Variants in ROCK1 observed in about 807,000 individuals in gnomAD.
ROCK1 encodes the protein Rho associated coiled-coil containing protein kinase 1.
ROCK1 carries 36 observed loss-of-function variants against 196.8 expected under a neutral mutation model. The ratio of observed to expected loss-of-function variants is 0.18; its 90% CI spans 0.14 to 0.24. The LOEUF (loss-of-function observed/expected upper bound fraction) is 0.24, where lower values mean the gene tolerates loss of function less well. ROCK1 is among the 10% of genes least tolerant of loss of function. ROCK1 has a pLI of 1.00. For missense variants in ROCK1, 920 were observed against 1,562.0 expected (o/e 0.59, Z 6.93); for synonymous variants, 443 against 515.9 (o/e 0.86, Z 1.91).
chr18:21,007,859 C>T (rs1473182691), intron 14 of ROCK1, among the ~76,000 whole-genome samples, 200 bp downstream of exon 14: 1 of 152,030 alleles, frequency 6.6e-6, no homozygotes. Flanking sequence ...ATGCTACTTA[C>T]TATTTACTTT....
chr18:21,075,293 A>C (rs1189287803), intron 1 of ROCK1, among the ~76,000 whole-genome samples: 1 of 152,204 alleles, frequency 6.6e-6, no homozygotes, highest in East Asian at 1.9e-4. Context: ...GGGGCATTAG[A>C]GGCAAAAGAA....
intron 1 of ROCK1, among the ~76,000 whole-genome samples, chr18:21,084,729 C>G (rs1019968820): frequency 1.3e-5 from 2 of 152,208 alleles, no homozygotes; most frequent in Non-Finnish European, 2.9e-5. Flanking sequence ...AAAATTACCA[C>G]CTGATCAGTA....
chr18:21,016,963 C>T (rs2035868066), intron 12 of ROCK1, among the ~76,000 whole-genome samples: 1 of 151,872 alleles, frequency 6.6e-6, no homozygotes, highest in Admixed American at 6.6e-5. Context: ...CTTTTCCTTC[C>T]CTCACATCTT....
At chr18:21,055,930 A>G (rs1369421617) in intron 2 of ROCK1, among the ~76,000 whole-genome samples, 1 of 152,210 alleles carries the variant, frequency 6.6e-6, no homozygotes, top group Non-Finnish European at 1.5e-5. Context: ...CCAATGACCA[A>G]TTCTCAGCCC....
At chr18:21,104,804 G>A (rs575792618) in intron 1 of ROCK1, among the ~76,000 whole-genome samples, 1 of 152,164 alleles carries the variant, frequency 6.6e-6, no homozygotes, top group African/African-American at 2.4e-5. Flanking sequence ...CTAAACCCTT[G>A]GCACAAAGTA....
At chr18:21,055,925 G>A (rs1235810938) in intron 2 of ROCK1, among the ~76,000 whole-genome samples, 1 of 152,146 alleles carries the variant, frequency 6.6e-6, no homozygotes, top group Non-Finnish European at 1.5e-5. Flanking sequence ...TAAATCCAAT[G>A]ACCAATTCTC....
At chr18:20,971,428 C>T (rs1447794503) in intron 22 of ROCK1, among the ~76,000 whole-genome samples, 3 of 151,588 alleles carry the variant, frequency 2.0e-5, no homozygotes, top group Non-Finnish European at 2.9e-5. Context: ...CTATGCATCA[C>T]GCTGTTCTAG....
chr18:20,970,555 G>C (rs1315577073), intron 22 of ROCK1, 42 bp from the exon 23 acceptor site: 1 of 1,373,128 alleles, frequency 7.3e-7, no homozygotes, highest in African/African-American at 1.4e-5. Flanking sequence ...AACAAATTCA[G>C]TTCATCCTTC....
At chr18:21,011,328 G>A (rs901391503) in intron 13 of ROCK1, among the ~76,000 whole-genome samples, 1 of 151,816 alleles carries the variant, frequency 6.6e-6, no homozygotes, top group Non-Finnish European at 1.5e-5. Flanking sequence ...CTCCTTGTAA[G>A]GCCTTTTCAG....
Position 21,006,413 on chromosome 18 carries a change from G to A in ROCK1, c.1823C>T (p.Ala608Val), listed in dbSNP as rs1442779589. Residue 608 changes from alanine (A) to valine (V), a missense_variant, in exon 16 of 33, where the codon GCT (alanine) becomes GTT (valine). Ala to Val is a moderately conservative substitution (Grantham distance 64). Coordinates refer to ENST00000399799, the MANE Select transcript of ROCK1 (RefSeq NM_005406.3). Reference sequence around the variant, plus strand: ...GTCTCTTCGTTCAGCTTCTAATATAGCTTGCAGCTGGTAATAATCTTTGTC... The same window carrying A: ...GTCTCTTCGTTCAGCTTCTAATATAACTTGCAGCTGGTAATAATCTTTGTC... ...QTDKDYYQLQ[A>V]ILEAERRDRG... is the part of the protein sequence containing the mutation. The A allele has an allele frequency of 6.2e-7, 1 of 1,613,330 alleles. No homozygotes were observed. Among genetic ancestry groups the A allele is most frequent in the Non-Finnish European group, 8.5e-7 (1 of 1,179,884 alleles).
chr18:21,029,314 T>A (rs979424218), intron 9 of ROCK1, among the ~76,000 whole-genome samples: 1 of 151,966 alleles, frequency 6.6e-6, no homozygotes, highest in Non-Finnish European at 1.5e-5. Flanking sequence ...CTCGAAAAAA[T>A]TGTTTAGCTT....
At chr18:21,010,589 A>C (rs2035808182) in intron 13 of ROCK1, among the ~76,000 whole-genome samples, 1 of 152,212 alleles carries the variant, frequency 6.6e-6, no homozygotes, top group South Asian at 2.1e-4. Flanking sequence ...AGGAAACTGT[A>C]TGATTTCAGT....
At chr18:20,980,937 A>ATTATAGC (rs2035526810) in intron 21 of ROCK1, among the ~76,000 whole-genome samples, 1 of 151,260 alleles carries the variant, frequency 6.6e-6, no homozygotes, top group African/African-American at 2.4e-5. Flanking sequence ...AAAAAAAGAC[A>ATTATAGC]TTATAGCTTA....
At chr18:21,089,552 T>C (rs1317049353) in intron 1 of ROCK1, among the ~76,000 whole-genome samples, 1 of 152,186 alleles carries the variant, frequency 6.6e-6, no homozygotes, top group Non-Finnish European at 1.5e-5. Context: ...CCTAGACTTA[T>C]AATGGGTGGG....
chr18:21,057,708 C>G (rs896198059), intron 2 of ROCK1, among the ~76,000 whole-genome samples: 3 of 152,030 alleles, frequency 2.0e-5, no homozygotes, highest in African/African-American at 7.2e-5. Flanking sequence ...GTAATCCCAG[C>G]TAATCAGGAG....
intron 6 of ROCK1, among the ~76,000 whole-genome samples, chr18:21,043,424 T>C (rs866349695): frequency 6.6e-6 from 1 of 151,842 alleles, no homozygotes; most frequent in Non-Finnish European, 1.5e-5. Flanking sequence ...CATACAGAAG[T>C]TCTCATGCAG....
At chr18:21,047,767 C>T (rs1354796659) in intron 4 of ROCK1, among the ~76,000 whole-genome samples, 1 of 151,020 alleles carries the variant, frequency 6.6e-6, no homozygotes, top group South Asian at 2.1e-4. Context: ...CATTGCACTC[C>T]GGCCTGGGCG....
chr18:21,054,739 T>C (rs551126823), intron 2 of ROCK1, among the ~76,000 whole-genome samples: 3 of 152,254 alleles, frequency 2.0e-5, no homozygotes, highest in Admixed American at 6.5e-5. Context: ...CAGATAATAC[T>C]TACAGTACCT....
intron 29 of ROCK1, among the ~76,000 whole-genome samples, chr18:20,958,724 A>G (rs560503328): frequency 6.6e-6 from 1 of 150,596 alleles, no homozygotes; most frequent in African/African-American, 2.4e-5. Context: ...TGGTATTTGC[A>G]TATAACCTAG....
Sources: allele counts gnomAD v4.1 joint callset (sites outside exome capture counted in the v4.1 genomes callset), GRCh38; gene constraint gnomAD v4.1.1; transcripts MANE v1.5; gene names NCBI Gene and HGNC (gene_info 2026-07-23, HGNC 2026-07-21).